The following EYA2 variants were observed in gnomAD, a reference collection of about 807,000 sequenced individuals.
EYA2 encodes the protein EYA transcriptional coactivator and phosphatase 2, also known as protein phosphatase EYA2.
EYA2 carries 31 observed loss-of-function variants against 69.2 expected under a neutral mutation model. The ratio of observed to expected loss-of-function variants is 0.45; its 90% CI spans 0.34 to 0.60. The LOEUF (loss-of-function observed/expected upper bound fraction) is 0.60, where lower values mean the gene tolerates loss of function less well. Among genes scored for constraint, EYA2 ranks in the 20% least tolerant of loss-of-function variants. The pLI is 0.02. For missense variants in EYA2, 622 were observed against 701.2 expected (o/e 0.89, Z 1.28); for synonymous variants, 257 against 279.4 (o/e 0.92, Z 0.80).
intron 1 of EYA2, chr20:46,978,208 T>A (rs968449865): frequency 5.6e-6 from 1 of 179,266 alleles, no homozygotes; most frequent in Non-Finnish European, 1.2e-5. Flanking sequence ...AGATGCTAAT[T>A]GCCAGGCTCA....
intron 9 of EYA2, among the ~76,000 whole-genome samples, chr20:47,098,516 G>A (rs2032322735): frequency 1.3e-5 from 2 of 152,168 alleles, no homozygotes; most frequent in Non-Finnish European, 2.9e-5. Context: ...GTAGGGATGT[G>A]TGATCTTGGG....
At chr20:47,002,958 G>T (rs548797391) in intron 3 of EYA2, among the ~76,000 whole-genome samples, 8 of 152,200 alleles carry the variant, frequency 5.3e-5, no homozygotes, top group African/African-American at 1.7e-4. Context: ...ATAAACTTTT[G>T]CATTCACCTG....
At chr20:46,981,781 A>C (rs1483016945) in intron 1 of EYA2, among the ~76,000 whole-genome samples, 1 of 151,992 alleles carries the variant, frequency 6.6e-6, no homozygotes, top group Non-Finnish European at 1.5e-5. Flanking sequence ...CCTTGCTTTG[A>C]ATCTTGGTAT....
rs1209614481 is a variant in EYA2, at chr20:47,007,597, G to GT, written c.298+2521dup. On this transcript the variant is annotated intron_variant, in intron 4 of 15. Coordinates refer to ENST00000327619, the MANE Select transcript of EYA2 (RefSeq NM_005244.5). ...GGGTAATAGGATGCAACTTAGGTGG[G>GT]TTTTTTTTAATTTTATTCTTATTTT... Among the ~76,000 whole-genome samples, 14 of 151,936 alleles carry GT rather than the reference G, an allele frequency of 9.2e-5. No individual in the cohort carries two copies. The South Asian group carries it at 1.3e-3, about 14-fold the overall frequency.
intron 7 of EYA2, among the ~76,000 whole-genome samples, chr20:47,083,788 T>G (rs768299870): frequency 6.6e-6 from 1 of 152,030 alleles, no homozygotes; most frequent in Non-Finnish European, 1.5e-5. Context: ...AAAAAGAATA[T>G]AAACTGGACT....
intron 14 of EYA2, among the ~76,000 whole-genome samples, chr20:47,182,645 G>T (rs1366677866): frequency 1.2e-5 from 1 of 82,454 alleles, no homozygotes; most frequent in Non-Finnish European, 2.3e-5. Context: ...AAAAAAAAAA[G>T]GTTAAGATGG....
intron 5 of EYA2, among the ~76,000 whole-genome samples, chr20:47,041,084 G>C (rs1204076161): frequency 2.6e-5 from 4 of 152,214 alleles, no homozygotes; most frequent in African/African-American, 4.8e-5. Context: ...ATAACCAGCA[G>C]GTGGGTGCAG....
chr20:47,075,083 CCT>C (rs1366582650), intron 7 of EYA2, among the ~76,000 whole-genome samples: 2 of 152,214 alleles, frequency 1.3e-5, no homozygotes, highest in African/African-American at 2.4e-5. Flanking sequence ...TGCGCTCCAG[CCT>C]GGGCAACAAG....
intron 1 of EYA2, among the ~76,000 whole-genome samples, chr20:46,949,271 A>G (rs77807911): frequency 4.6e-5 from 7 of 152,374 alleles, no homozygotes; most frequent in South Asian, 2.1e-4. Flanking sequence ...GATACAAAAC[A>G]TACATGAGCC....
At chr20:47,179,718 T>G in intron 12 of EYA2, 80 bp from the exon 13 acceptor site, 1 of 961,366 alleles carries the variant, frequency 1.0e-6, no homozygotes, top group East Asian at 2.6e-5. Context: ...CAGGGTACAG[T>G]AGCTAGATTC....
At chr20:47,101,074 C>CT (rs988377903) in intron 9 of EYA2, among the ~76,000 whole-genome samples, 6 of 152,080 alleles carry the variant, frequency 3.9e-5, no homozygotes, top group Non-Finnish European at 8.8e-5. Flanking sequence ...TCTTGTCCCT[C>CT]TTTTTTTATT....
chr20:46,905,468 C>G (rs943877458), intron 1 of EYA2, among the ~76,000 whole-genome samples: 2 of 152,238 alleles, frequency 1.3e-5, no homozygotes, highest in African/African-American at 4.8e-5. Flanking sequence ...TTGCTGTGGC[C>G]TTTTACCCCA....
intron 9 of EYA2, among the ~76,000 whole-genome samples, chr20:47,120,514 C>T (rs183251713): frequency 6.6e-6 from 1 of 152,324 alleles, no homozygotes; most frequent in East Asian, 1.9e-4. Flanking sequence ...TGCCATAGCC[C>T]GTGTGCCCAA....
intron 3 of EYA2, among the ~76,000 whole-genome samples, chr20:47,002,124 C>T (rs569167602): frequency 2.0e-5 from 3 of 151,766 alleles, no homozygotes; most frequent in African/African-American, 7.3e-5. Flanking sequence ...TTCCCTTCCT[C>T]TCTTCCCTCC....
At chr20:46,921,293 G>A (rs1985168103) in intron 1 of EYA2, among the ~76,000 whole-genome samples, 2 of 152,252 alleles carry the variant, frequency 1.3e-5, no homozygotes, top group Non-Finnish European at 2.9e-5. Flanking sequence ...CCTGTTGAGG[G>A]CTGGAGGGTA....
At chr20:46,955,062 G>A (rs547326207) in intron 1 of EYA2, among the ~76,000 whole-genome samples, 1 of 152,022 alleles carries the variant, frequency 6.6e-6, no homozygotes, top group South Asian at 2.1e-4. Flanking sequence ...AGGAAGGCAG[G>A]TTTTCATTCT....
intron 9 of EYA2, 24 bp from the exon 10 acceptor site, chr20:47,143,035 A>T: frequency 6.2e-7 from 1 of 1,607,036 alleles, no homozygotes; most frequent in South Asian, 1.1e-5. Flanking sequence ...CGTGCATGTG[A>T]TTTTCCCCTT....
intron 1 of EYA2, among the ~76,000 whole-genome samples, chr20:46,988,615 A>T (rs1163991036): frequency 6.6e-6 from 1 of 152,230 alleles, no homozygotes; most frequent in African/African-American, 2.4e-5. Context: ...TACTGGTTGT[A>T]GTTCAGACCT....
chr20:46,996,882 C>G (rs186971863), intron 2 of EYA2, among the ~76,000 whole-genome samples: 2 of 150,268 alleles, frequency 1.3e-5, no homozygotes, highest in Non-Finnish European at 3.0e-5. Flanking sequence ...GTGGCAAGTG[C>G]GAAACTCGGT....
Sources: allele counts gnomAD v4.1 joint callset (sites outside exome capture counted in the v4.1 genomes callset), GRCh38; gene constraint gnomAD v4.1.1; transcripts MANE v1.5; gene names NCBI Gene and HGNC (gene_info 2026-07-23, HGNC 2026-07-21).